Variants in TFEC observed in about 807,000 individuals in gnomAD.
TFEC encodes class E basic helix-loop-helix protein 34.
A neutral mutation model predicts 41.6 loss-of-function variants in TFEC; 31 were observed. That is an observed-to-expected ratio of 0.74 (90% CI 0.56 to 1.01). TFEC has a LOEUF of 1.01. TFEC is among the 50% of genes least tolerant of loss of function. The pLI is 0.00. For missense variants in TFEC, 402 were observed against 404.1 expected, an observed-to-expected ratio of 0.99 and a Z score of 0.04; for synonymous variants, 143 against 140.6, an observed-to-expected ratio of 1.02 and a Z score of -0.12.
At chr7:116,135,102 T>C (rs958503087) in intron 1 of TFEC, among the ~76,000 whole-genome samples, 11 of 152,148 alleles carry the variant, frequency 7.2e-5, no homozygotes, top group Non-Finnish European at 1.5e-5. Flanking sequence ...GTGGTAATCC[T>C]TGATTTTTTT....
intron 1 of TFEC, among the ~76,000 whole-genome samples, chr7:116,146,121 C>T (rs1192474952): frequency 6.6e-6 from 1 of 152,144 alleles, no homozygotes; most frequent in Admixed American, 6.5e-5. Flanking sequence ...CATTTTGACA[C>T]CTGTCTTGGC....
upstream of TFEC, among the ~76,000 whole-genome samples, chr7:116,033,752 T>G (rs541885797): frequency 3.1e-4 from 47 of 152,116 alleles, no homozygotes; most frequent in Non-Finnish European, 4.4e-4. Flanking sequence ...ACCAGATCAT[T>G]CCTTTTAGAA....
chr7:116,065,746 G>A (rs545988358), intron 3 of TFEC, among the ~76,000 whole-genome samples: 21 of 152,224 alleles, frequency 1.4e-4, no homozygotes, highest in African/African-American at 4.6e-4. Flanking sequence ...AAATGGGAAC[G>A]AAAAGAAGAA....
intron 1 of TFEC, among the ~76,000 whole-genome samples, chr7:115,992,717 C>T (rs970445188): frequency 6.6e-6 from 1 of 152,026 alleles, no homozygotes; most frequent in Non-Finnish European, 1.5e-5. Context: ...AATTAATAGC[C>T]TACCAACCAA....
chr7:116,024,053 C>A (rs1795497644), intron 1 of TFEC, among the ~76,000 whole-genome samples: 1 of 152,118 alleles, frequency 6.6e-6, no homozygotes, highest in Admixed American at 6.6e-5. Flanking sequence ...TGATATTTGT[C>A]ACTGGTTATC....
At chr7:115,957,821 TC>T (rs1372487481) in intron 3 of TFEC, among the ~76,000 whole-genome samples, 2 of 151,790 alleles carry the variant, frequency 1.3e-5, no homozygotes. Context: ...TTTGCAAAAC[TC>T]CAATTCAATT....
chr7:115,960,213 C>A (rs1792465996), intron 3 of TFEC, among the ~76,000 whole-genome samples: 2 of 151,230 alleles, frequency 1.3e-5, no homozygotes, highest in African/African-American at 4.8e-5. Context: ...AGTAGCAAAA[C>A]TGAATGGAAA....
At chr7:115,999,947 G>A (rs949863912) in intron 1 of TFEC, among the ~76,000 whole-genome samples, 22 of 151,576 alleles carry the variant, frequency 1.5e-4, no homozygotes, top group Middle Eastern at 3.4e-3. Context: ...AAGGAGGAGG[G>A]AAAACTTCTA....
chr7:116,034,645 C>T (rs540074461), upstream of TFEC, among the ~76,000 whole-genome samples: 12 of 151,610 alleles, frequency 7.9e-5, no homozygotes, highest in Admixed American at 6.0e-4. Flanking sequence ...TGCTCTCCCT[C>T]CTTCTATCTG....
At chr7:116,149,480 A>G (rs1050390400) in intron 1 of TFEC, among the ~76,000 whole-genome samples, 4 of 152,192 alleles carry the variant, frequency 2.6e-5, no homozygotes, top group African/African-American at 9.6e-5. Flanking sequence ...TTCCCAAAGG[A>G]TAACCCAAGG....
At position 115,946,528 on chromosome 7, in the gene TFEC, G is replaced by A. The variant is rs779228136; in HGVS notation, c.515+4346C>T. On this transcript the variant is annotated intron_variant, in intron 6 of 7. Transcript: ENST00000265440. The stretch of plus-strand genomic sequence containing the variant: ...AATCCTGGGTTCAAGTGATCCTTGT[G>A]TCTCAGCCTCCTGAGTAGCTTGGAG... Among the ~76,000 whole-genome samples the A allele has an allele frequency of 6.0e-5, 9 of 150,878 alleles. No individual in the cohort carries two copies. The East Asian group carries it at 1.8e-3, about 30-fold the overall frequency.
intron 3 of TFEC, among the ~76,000 whole-genome samples, chr7:115,970,821 A>C (rs2130575326): frequency 6.6e-6 from 1 of 151,992 alleles, no homozygotes; most frequent in African/African-American, 2.4e-5. Context: ...TGCCATGACT[A>C]AAAGCTTCCT....
intron 3 of TFEC, among the ~76,000 whole-genome samples, chr7:115,958,336 T>C (rs904379229): frequency 6.6e-6 from 1 of 151,918 alleles, no homozygotes; most frequent in Admixed American, 6.6e-5. Context: ...CTTTTTAAAG[T>C]GTAAATTTTC....
At chr7:115,984,161 T>G in intron 2 of TFEC, 101 bp downstream of exon 2, 1 of 1,400,194 alleles carries the variant, frequency 7.1e-7, no homozygotes, top group Non-Finnish European at 9.7e-7. Context: ...TTGTTACATT[T>G]GCAATCAGAA....
chr7:116,114,243 T>A (rs1797922716), intron 1 of TFEC, among the ~76,000 whole-genome samples: 1 of 151,960 alleles, frequency 6.6e-6, no homozygotes, highest in Non-Finnish European at 1.5e-5. Flanking sequence ...ACACACAATA[T>A]TTCATTTGGG....
chr7:116,102,099 T>C (rs1797617894), intron 3 of TFEC, among the ~76,000 whole-genome samples: 1 of 152,228 alleles, frequency 6.6e-6, no homozygotes, highest in African/African-American at 2.4e-5. Flanking sequence ...AAAAACAGGA[T>C]ACAAGTTTCT....
chr7:116,136,104 A>G (rs1798427988), intron 1 of TFEC, among the ~76,000 whole-genome samples: 1 of 152,040 alleles, frequency 6.6e-6, no homozygotes, highest in African/African-American at 2.4e-5. Context: ...CTATATCACC[A>G]AGAAGTATCT....
chr7:116,036,988 A>C (rs1795926603), intron 3 of TFEC, among the ~76,000 whole-genome samples: 1 of 152,102 alleles, frequency 6.6e-6, no homozygotes, highest in African/African-American at 2.4e-5. Context: ...CAAATAATGC[A>C]GAAACAAATG....
At chr7:115,999,510 C>T (rs1794505383) in intron 1 of TFEC, among the ~76,000 whole-genome samples, 1 of 151,528 alleles carries the variant, frequency 6.6e-6, no homozygotes, top group African/African-American at 2.4e-5. Flanking sequence ...ATGAAAGAAA[C>T]CATACAAAAG....
Sources: allele counts gnomAD v4.1 joint callset (sites outside exome capture counted in the v4.1 genomes callset), GRCh38; gene constraint gnomAD v4.1.1; transcripts MANE v1.5; gene names NCBI Gene and HGNC (gene_info 2026-07-23, HGNC 2026-07-21).